INSYN1: variants seen among roughly 807,000 people sequenced by gnomAD.
INSYN1 encodes inhibitory synaptic factor 1, also known as UPF0583 protein C15orf59.
INSYN1 carries 7 observed loss-of-function variants against 17.1 expected under a neutral mutation model. That is an observed-to-expected ratio of 0.41 (90% CI 0.23 to 0.77). The LOEUF (loss-of-function observed/expected upper bound fraction) is 0.77. INSYN1 is among the 30% of genes least tolerant of loss of function. INSYN1 has a pLI of 0.32. For synonymous variants in INSYN1, 174 were observed against 166.3 expected (o/e 1.05, Z -0.36); for missense variants, 339 against 400.6 (o/e 0.85, Z 1.31).
intron 2 of INSYN1, among the ~76,000 whole-genome samples, chr15:73,749,379 CTGGGTGGCTATGCGG>C (rs1901918428): frequency 6.6e-6 from 1 of 152,130 alleles, no homozygotes; most frequent in African/African-American, 2.4e-5. Context: ...CTTTGAAGCT[CTGGGTGGCTATGCGG>C]TGGGGAGAGG....
intron 2 of INSYN1, among the ~76,000 whole-genome samples, chr15:73,742,537 A>T (rs1217344722): frequency 1.3e-5 from 2 of 152,166 alleles, no homozygotes; most frequent in East Asian, 3.9e-4. Flanking sequence ...CTGTGTCTAC[A>T]GATGAGGAGT....
chr15:73,745,563 C>T (rs956698810), intron 2 of INSYN1, among the ~76,000 whole-genome samples: 3 of 152,232 alleles, frequency 2.0e-5, no homozygotes, highest in African/African-American at 7.2e-5. Flanking sequence ...CCCCACTACA[C>T]AGTAAACCCC....
rs1430319075 is a variant in INSYN1 at position 73,735,967 on chromosome 15, T to TCCAGCTC, written c.*3943_*3949dup. 2 of 152,480 alleles carry TCCAGCTC rather than the reference T, an allele frequency of 1.3e-5. No individual in the cohort carries two copies. The highest frequency in any genetic ancestry group is 4.8e-5 in the African/African-American group (2 of 41,466). The allele number at this position is 152,480 out of a possible 1,614,324, so 9.4% of individuals were successfully genotyped here. A position where few individuals can be genotyped will look rare whatever the true frequency, so the allele number is the denominator to read the frequency against. ...CTATGACTTCTCTCCATCACCAGGT[T>TCCAGCTC]CCAGCTCCCTTCTGCCCCTCCACAG... On this transcript the variant is annotated 3_prime_UTR_variant, in exon 3 of 3. Transcript: ENST00000569673.
chr15:73,740,021 G>A lies in INSYN1; in HGVS notation c.778C>T (p.Arg260Ter). Residue 260 changes from arginine (R) to a stop codon, truncating the protein, a stop_gained, in exon 3 of 3, where the codon CGA becomes TGA. Transcript: ENST00000569673. LOFTEE classifies it high-confidence loss of function. ...SGSTLAPEQTRRVTRNSSTQT... is the reference protein window; with the variant it reads ...SGSTLAPEQT ...GTGCTGCTGTTCCTCGTGACCCTTCGAGTCTGTTCAGGGGCCAAGGTAGAG... is the reference window on the plus strand; with the variant it reads ...GTGCTGCTGTTCCTCGTGACCCTTCAAGTCTGTTCAGGGGCCAAGGTAGAG... The A allele has an allele frequency of 2.5e-6, 4 of 1,613,280 alleles. No individual in the cohort carries two copies. The highest frequency in any genetic ancestry group is 2.2e-5 in the East Asian group (1 of 44,802).
chr15:73,742,678 C>G (rs1901719625), intron 2 of INSYN1, among the ~76,000 whole-genome samples: 1 of 152,206 alleles, frequency 6.6e-6, no homozygotes, highest in African/African-American at 2.4e-5. Context: ...ACCCTCCAAT[C>G]TGGCTACTTC....
intron 2 of INSYN1, among the ~76,000 whole-genome samples, chr15:73,744,777 A>G (rs1901778633): frequency 6.6e-6 from 1 of 152,116 alleles, no homozygotes. Context: ...TTGAACCATA[A>G]AATTACAGAA....
At position 73,751,248 on chromosome 15, in the gene INSYN1, C is replaced by T; in HGVS notation, c.-118G>A. The T allele has an allele frequency of 7.8e-7, 1 of 1,278,330 alleles. No homozygotes were observed. Among genetic ancestry groups the T allele is most frequent in the Non-Finnish European group, 1.1e-6 (1 of 929,054 alleles). 79.2% of individuals were successfully genotyped at this position (1,278,330 alleles called of 1,614,324 possible). ...CTCCACATTTTAACGGCCCCCCAGC[C>T]CACCCTGGCCCTGGGCGGCCCTCAA... On this transcript the variant is annotated 5_prime_UTR_variant, in exon 2 of 3. Transcript: ENST00000569673.
At chr15:73,745,473 C>T (rs965183611) in intron 2 of INSYN1, among the ~76,000 whole-genome samples, 1 of 152,206 alleles carries the variant, frequency 6.6e-6, no homozygotes, top group South Asian at 2.1e-4. Flanking sequence ...GCACCCTGCA[C>T]CTCTCCTGAA....
chr15:73,753,153 G>T lies in INSYN1; in HGVS notation c.-1611C>A, dbSNP rs2141475988. On this transcript the variant is annotated 5_prime_UTR_variant, in exon 1 of 3. Transcript: ENST00000569673. This position sits in a 1 kb window ranked among gnomAD's most constrained non-coding sequence, Gnocchi z 4.2. ...GGGCTGGGCCTCCCTTCACCGCCTC[G>T]CCCTGCCCTGCCCCGCCGGGCTCCC... Among the ~76,000 whole-genome samples, 1 of 146,720 alleles carries T rather than the reference G, an allele frequency of 6.8e-6. No individual in the cohort carries two copies. The highest frequency in any genetic ancestry group is 2.1e-4 in the South Asian group (1 of 4,762).
intron 2 of INSYN1, among the ~76,000 whole-genome samples, chr15:73,749,702 A>G (rs1385729487): frequency 1.3e-5 from 2 of 152,184 alleles, no homozygotes; most frequent in African/African-American, 2.4e-5. Context: ...AACCCAGACT[A>G]TGGCCGGCCC....
In INSYN1 at chr15:73,753,224, C is replaced by T. The variant is rs983736277; in HGVS notation, c.-1682G>A. ...AAGCGCCGCGGCGCCGCGCCGCCCG[C>T]GCCCCGGCCGCCCCCGGCCCGCCCC... On this transcript the variant is annotated 5_prime_UTR_variant, in exon 1 of 3. Transcript: ENST00000569673. This position sits in a 1 kb window ranked among gnomAD's most constrained non-coding sequence, Gnocchi z 4.2. Among the ~76,000 whole-genome samples the T allele has an allele frequency of 2.1e-5, 3 of 145,184 alleles. No individual in the cohort carries two copies. Among genetic ancestry groups the T allele is most frequent in the African/African-American group, 7.4e-5 (3 of 40,620 alleles).
chr15:73,745,397 C>T (rs910274486), intron 2 of INSYN1, among the ~76,000 whole-genome samples: 8 of 152,154 alleles, frequency 5.3e-5, no homozygotes, highest in African/African-American at 1.7e-4. Context: ...ACTCCGTCTT[C>T]ACTTCGAGAA....
chr15:73,745,369 C>G (rs1483045410), intron 2 of INSYN1, among the ~76,000 whole-genome samples: 5 of 152,174 alleles, frequency 3.3e-5, no homozygotes, highest in African/African-American at 9.7e-5. Flanking sequence ...CTGACACGCC[C>G]TCCCTCCTTT....
chr15:73,741,883 G>A (rs974353652), intron 2 of INSYN1, among the ~76,000 whole-genome samples: 2 of 152,196 alleles, frequency 1.3e-5, no homozygotes, highest in African/African-American at 2.4e-5. Flanking sequence ...AGGAGTGGGG[G>A]TAGTGAGTGC....
chr15:73,740,671 A>T (rs1219434323), intron 2 of INSYN1, 29 bp from the exon 3 acceptor site: 2 of 1,575,974 alleles, frequency 1.3e-6, no homozygotes, highest in South Asian at 2.4e-5. Flanking sequence ...AGGAGATGAG[A>T]GGGGCCAGGT....
intron 2 of INSYN1, among the ~76,000 whole-genome samples, chr15:73,741,827 A>G (rs921425285): frequency 2.0e-4 from 31 of 152,144 alleles, no homozygotes; most frequent in Non-Finnish European, 1.6e-4. Context: ...TTCAACAAAC[A>G]GTTGCTAAGG....
intron 2 of INSYN1, among the ~76,000 whole-genome samples, chr15:73,749,021 C>T (rs1901908775): frequency 6.6e-6 from 1 of 152,184 alleles, no homozygotes; most frequent in Admixed American, 6.5e-5. Context: ...TGGCTGAGGC[C>T]TCTGGGCTGC....
rs1179410188 is a variant in INSYN1, at chr15:73,738,894, T to A, written c.*1023A>T. ...GGATATTCAGCTGCTGTCCCTGTGC[T>A]GGCCATGCCCCAGATGAAGCCCTGG... On this transcript the variant is annotated 3_prime_UTR_variant, in exon 3 of 3. Coordinates refer to ENST00000569673, the MANE Select transcript of INSYN1 (RefSeq NM_001039614.3). 1 of 152,412 alleles carries A rather than the reference T, an allele frequency of 6.6e-6. No homozygotes were observed. Among genetic ancestry groups the A allele is most frequent in the East Asian group, 1.9e-4 (1 of 5,182 alleles). The allele number at this position is 152,412 out of a possible 1,614,324, so 9.4% of individuals were successfully genotyped here.
In INSYN1 at chr15:73,751,607, G is replaced by A. The variant is rs1169365221; in HGVS notation, c.-477C>T. 1 of 174,412 alleles carries A rather than the reference G, an allele frequency of 5.7e-6. No individual in the cohort carries two copies. The highest frequency in any genetic ancestry group is 5.4e-5 in the Admixed American group (1 of 18,470). The allele number at this position is 174,412 out of a possible 1,614,324, so 10.8% of individuals were successfully genotyped here. On this transcript the variant is annotated 5_prime_UTR_variant, in exon 2 of 3. Transcript: ENST00000569673. ...TCTCTGGATGCAACTGACACCTGCA[G>A]AGGGATGGTGGCCAGGGTCTTCCAG...
Sources: allele counts gnomAD v4.1 joint callset (sites outside exome capture counted in the v4.1 genomes callset), GRCh38; gene constraint gnomAD v4.1.1; non-coding constraint Gnocchi (gnomAD v3.1); transcripts MANE v1.5; gene names NCBI Gene and HGNC (gene_info 2026-07-23, HGNC 2026-07-21).